Variants in PDE10A observed in about 807,000 individuals in gnomAD.
PDE10A encodes the protein phosphodiesterase 10A.
In PDE10A, 39 loss-of-function variants were observed where a neutral mutation model predicts 97.7. The observed-to-expected ratio is 0.40, with a 90% CI of 0.31 to 0.52. The LOEUF is 0.52. Ranked by LOEUF, PDE10A falls within the 20% of genes least tolerant of loss-of-function variation. PDE10A has a pLI of 0.56. For missense variants in PDE10A, 731 were observed against 1,047.8 expected, an observed-to-expected ratio of 0.70 and a Z score of 4.17; for synonymous variants, 371 against 376.8, an observed-to-expected ratio of 0.98 and a Z score of 0.18.
At chr6:165,969,573 C>A (rs934455710) in intron 1 of PDE10A, among the ~76,000 whole-genome samples, 10 of 151,912 alleles carry the variant, frequency 6.6e-5, no homozygotes, top group Non-Finnish European at 1.5e-4. Flanking sequence ...AAAGTAATTG[C>A]GGTTTTTGCC....
chr6:165,415,408 C>G (rs1379805795), intron 12 of PDE10A, among the ~76,000 whole-genome samples: 1 of 152,176 alleles, frequency 6.6e-6, no homozygotes, highest in Non-Finnish European at 1.5e-5. Flanking sequence ...ACACTGCTGT[C>G]AAACTACTGT....
chr6:165,952,648 A>C (rs1784001235), intron 1 of PDE10A, among the ~76,000 whole-genome samples: 1 of 152,182 alleles, frequency 6.6e-6, no homozygotes, highest in South Asian at 2.1e-4. Flanking sequence ...ACACCTCTTC[A>C]ACTCCCCGCC....
intron 1 of PDE10A, among the ~76,000 whole-genome samples, chr6:165,915,554 C>T (rs1209163848): frequency 6.6e-6 from 1 of 152,096 alleles, no homozygotes; most frequent in African/African-American, 2.4e-5. Context: ...AGGCTCCTCC[C>T]CTGCTGGGAG....
chr6:165,369,651 T>G, intron 18 of PDE10A, among the ~76,000 whole-genome samples: 1 of 142,622 alleles, frequency 7.0e-6, no homozygotes, highest in East Asian at 2.0e-4. Context: ...TGGAAAACAC[T>G]CTGCAGGATA....
chr6:165,762,889 GCA>G (rs771789406), intron 1 of PDE10A, among the ~76,000 whole-genome samples: 4 of 150,248 alleles, frequency 2.7e-5, no homozygotes, highest in Non-Finnish European at 5.9e-5. Flanking sequence ...AAACACACGT[GCA>G]CACACACACA....
At chr6:165,389,156 A>T (rs559283621) in intron 16 of PDE10A, among the ~76,000 whole-genome samples, 1 of 152,244 alleles carries the variant, frequency 6.6e-6, no homozygotes, top group Admixed American at 6.5e-5. Context: ...AGTGGGGTCG[A>T]GGGCAGGGGA....
chr6:165,734,415 G>T (rs1792514855), intron 1 of PDE10A, among the ~76,000 whole-genome samples: 1 of 152,068 alleles, frequency 6.6e-6, no homozygotes, highest in Admixed American at 6.6e-5. Flanking sequence ...CAAAATGAAG[G>T]TTAGCACTCC....
intron 2 of PDE10A, among the ~76,000 whole-genome samples, chr6:165,500,495 A>G (rs1210710406): frequency 6.6e-6 from 1 of 152,192 alleles, no homozygotes; most frequent in Non-Finnish European, 1.5e-5. Flanking sequence ...TTGTTAAAAA[A>G]GGGCTTGAAG....
At chr6:165,622,438 A>C (rs3008028) in intron 1 of PDE10A, among the ~76,000 whole-genome samples, 29,501 of 152,052 alleles carry the variant, frequency 0.19, 4,309 homozygotes, top group African/African-American at 0.42. Context: ...TATGCTATAG[A>C]CTACTGCTTC....
chr6:165,887,376 GC>G (rs1368727040), intron 1 of PDE10A, among the ~76,000 whole-genome samples: 3 of 152,190 alleles, frequency 2.0e-5, no homozygotes, highest in African/African-American at 7.2e-5. Context: ...TATCAACTCT[GC>G]ATATTCCCTG....
chr6:165,851,390 C>T (rs1388878373), intron 1 of PDE10A, among the ~76,000 whole-genome samples: 3 of 152,232 alleles, frequency 2.0e-5, no homozygotes, highest in Non-Finnish European at 4.4e-5. Context: ...CCTTCCTTAA[C>T]ATTCCCAGTT....
chr6:165,571,237 A>G (rs373686455), intron 1 of PDE10A, among the ~76,000 whole-genome samples: 1 of 152,200 alleles, frequency 6.6e-6, no homozygotes, highest in South Asian at 2.1e-4. Context: ...TGGGAACCAC[A>G]TCTGTCCTCT....
At chr6:165,590,812 A>G (rs1293507851) in intron 1 of PDE10A, among the ~76,000 whole-genome samples, 1 of 151,988 alleles carries the variant, frequency 6.6e-6, no homozygotes, top group African/African-American at 2.4e-5. Flanking sequence ...AATGGCATGA[A>G]CCCGGGAGGC....
At chr6:165,678,217 G>T (rs372222120) in intron 1 of PDE10A, among the ~76,000 whole-genome samples, 5 of 78,382 alleles carry the variant, frequency 6.4e-5, no homozygotes, top group African/African-American at 9.3e-5. Flanking sequence ...GTCTGTGTGT[G>T]TATATGTGTG....
upstream of PDE10A, among the ~76,000 whole-genome samples, chr6:165,664,493 T>G (rs898083440): frequency 6.6e-6 from 1 of 152,130 alleles, no homozygotes; most frequent in Non-Finnish European, 1.5e-5. Context: ...GAGTGTCGCG[T>G]GTAACGGGCA....
At chr6:165,685,613 C>A (rs896667437) in intron 1 of PDE10A, among the ~76,000 whole-genome samples, 2 of 152,126 alleles carry the variant, frequency 1.3e-5, no homozygotes, top group African/African-American at 2.4e-5. Flanking sequence ...GGCAGCTTCT[C>A]CATCACAGCC....
chr6:165,503,328 T>C (rs977562090), intron 2 of PDE10A, among the ~76,000 whole-genome samples: 1 of 152,154 alleles, frequency 6.6e-6, no homozygotes, highest in Non-Finnish European at 1.5e-5. Context: ...TTCAAATCAT[T>C]CTGCACAGTA....
At chr6:165,548,944 A>C (rs999029940) in intron 1 of PDE10A, among the ~76,000 whole-genome samples, 4 of 152,178 alleles carry the variant, frequency 2.6e-5, no homozygotes, top group African/African-American at 9.7e-5. Context: ...TATTTGAATA[A>C]ATTTGATCTG....
intron 1 of PDE10A, among the ~76,000 whole-genome samples, chr6:165,909,457 T>C (rs1026706144): frequency 3.9e-5 from 6 of 152,190 alleles, no homozygotes; most frequent in African/African-American, 1.4e-4. Flanking sequence ...GGAGATACAA[T>C]AGAAAATGGC....
Sources: gnomAD v4.1 joint callset for allele counts (sites outside exome capture counted in the v4.1 genomes callset) on GRCh38, gnomAD v4.1.1 for gene constraint, MANE v1.5 for transcripts, NCBI Gene and HGNC (gene_info 2026-07-23, HGNC 2026-07-21) for gene names.